Variants in WBP1L observed in about 807,000 individuals in gnomAD.
WBP1L encodes the protein WW domain binding protein 1 like.
WBP1L carries 17 observed loss-of-function variants against 33.7 expected under a neutral mutation model. The observed-to-expected ratio is 0.50, with a 90% CI of 0.34 to 0.76. WBP1L has a LOEUF of 0.76. Among genes scored for constraint, WBP1L ranks in the 30% least tolerant of loss-of-function variants. WBP1L has a pLI of 0.01. For missense variants in WBP1L, 389 were observed against 469.4 expected (o/e 0.83, Z 1.58); for synonymous variants, 173 against 190.8 (o/e 0.91, Z 0.77).
chr10:102,752,851 G>A (rs1842938175), intron 1 of WBP1L, among the ~76,000 whole-genome samples: 2 of 152,196 alleles, frequency 1.3e-5, no homozygotes, highest in African/African-American at 4.8e-5. Flanking sequence ...GGGTGGCTGT[G>A]TCTTGAGGAG....
intron 1 of WBP1L, among the ~76,000 whole-genome samples, chr10:102,793,690 G>C (rs1332814890): frequency 2.0e-5 from 3 of 152,084 alleles, no homozygotes; most frequent in African/African-American, 7.2e-5. Flanking sequence ...GATAGTAGGA[G>C]CCCAGAGAAT....
intron 1 of WBP1L, among the ~76,000 whole-genome samples, chr10:102,757,884 C>CG (rs1842996500): frequency 4.7e-5 from 3 of 63,714 alleles, no homozygotes; most frequent in South Asian, 7.9e-4. Flanking sequence ...CCTCCCCCCC[C>CG]CCCTTTTTTT....
chr10:102,810,111 G>A (rs927121265), intron 3 of WBP1L, 57 bp downstream of exon 3: 1 of 1,547,350 alleles, frequency 6.5e-7, no homozygotes, highest in African/African-American at 1.4e-5. Flanking sequence ...ACAGACCCAG[G>A]GCTCACACTG....
At chr10:102,809,553 G>T (rs1369609793) in intron 2 of WBP1L, among the ~76,000 whole-genome samples, 1 of 150,856 alleles carries the variant, frequency 6.6e-6, no homozygotes, top group Non-Finnish European at 1.5e-5. Context: ...TGTATTTTTA[G>T]TAGAGATGGG....
chr10:102,801,257 A>G (rs1041137054), intron 2 of WBP1L, among the ~76,000 whole-genome samples: 14 of 152,126 alleles, frequency 9.2e-5, no homozygotes, highest in African/African-American at 3.4e-4. Context: ...TATTATCTCC[A>G]TGCATTTTTA....
intron 1 of WBP1L, among the ~76,000 whole-genome samples, chr10:102,771,484 A>G (rs1214465501): frequency 2.0e-5 from 3 of 152,274 alleles, no homozygotes; most frequent in East Asian, 3.9e-4. Flanking sequence ...CCTGGGCAAC[A>G]TAGGAAGCCC....
intron 1 of WBP1L, among the ~76,000 whole-genome samples, chr10:102,767,647 A>G (rs1843129917): frequency 6.6e-6 from 1 of 152,188 alleles, no homozygotes; most frequent in African/African-American, 2.4e-5. Context: ...GGTTGAGGTC[A>G]ATGACTGGGA....
intron 1 of WBP1L, among the ~76,000 whole-genome samples, chr10:102,774,085 G>A (rs1212075013): frequency 1.3e-5 from 2 of 152,008 alleles, no homozygotes; most frequent in African/African-American, 4.8e-5. Flanking sequence ...TTAGATCAGT[G>A]CAGATTACAT....
chr10:102,808,180 A>G (rs1344715925), intron 2 of WBP1L, among the ~76,000 whole-genome samples: 1 of 152,204 alleles, frequency 6.6e-6, no homozygotes, highest in Non-Finnish European at 1.5e-5. Context: ...ACCCTGTCTC[A>G]GAAAAAAAGA....
chr10:102,810,491 CTCCTTCCTTCCTTCCT>C (rs796637182), intron 3 of WBP1L, among the ~76,000 whole-genome samples: 24,563 of 81,320 alleles, frequency 0.3, 4,191 homozygotes, highest in Non-Finnish European at 0.33. Context: ...CCTTCCTTCC[CTCCTTCCTTCCTTCCT>C]TCCTTCCTTC....
At chr10:102,753,099 C>T (rs973716970) in intron 1 of WBP1L, among the ~76,000 whole-genome samples, 1 of 152,194 alleles carries the variant, frequency 6.6e-6, no homozygotes, top group Non-Finnish European at 1.5e-5. Flanking sequence ...TGGTTCCTTG[C>T]TCCTACTACC....
chr10:102,801,865 C>T (rs183506763), intron 2 of WBP1L, among the ~76,000 whole-genome samples: 4 of 144,220 alleles, frequency 2.8e-5, no homozygotes, highest in African/African-American at 1.0e-4. Context: ...CTTTCCTTTC[C>T]CTCCCTCCCA....
At chr10:102,794,075 C>G (rs984339064) in intron 1 of WBP1L, among the ~76,000 whole-genome samples, 3 of 152,050 alleles carry the variant, frequency 2.0e-5, no homozygotes, top group African/African-American at 7.2e-5. Flanking sequence ...CTGGCCCCAG[C>G]GAACTCTTAA....
intron 3 of WBP1L, among the ~76,000 whole-genome samples, chr10:102,811,332 T>C (rs1368561832): frequency 6.6e-6 from 1 of 152,040 alleles, no homozygotes; most frequent in African/African-American, 2.4e-5. Flanking sequence ...GGGGTGGCAT[T>C]GGGACTTCTG....
At chr10:102,800,506 T>C (rs1590189647) in intron 2 of WBP1L, among the ~76,000 whole-genome samples, 1 of 152,192 alleles carries the variant, frequency 6.6e-6, no homozygotes, top group African/African-American at 2.4e-5. Flanking sequence ...AAGAGCTGCA[T>C]GAACGGCTAA....
intron 1 of WBP1L, among the ~76,000 whole-genome samples, chr10:102,756,608 A>G (rs1842980040): frequency 6.6e-6 from 1 of 152,164 alleles, no homozygotes; most frequent in Non-Finnish European, 1.5e-5. Context: ...GCCATTTCAC[A>G]CAGTGCTACG....
chr10:102,776,475 T>C lies in WBP1L; in HGVS notation c.91-21518T>C. The C allele has an allele frequency of 2.5e-6, 4 of 1,607,810 alleles. No individual in the cohort carries two copies. In the South Asian group the frequency reaches 3.3e-5, roughly 13 times the overall value. ...GGAAGAAGGGGTGGGAGCTTGTTTA[T>C]TGTACTACTGCTTTGGGTGGAGGGA... is the stretch of plus-strand genomic sequence containing the variant. On this transcript the variant is annotated intron_variant, in intron 1 of 3. Coordinates refer to ENST00000448841, the MANE Select transcript of WBP1L (RefSeq NM_001083913.2).
chr10:102,791,090 C>G (rs980869208), intron 1 of WBP1L, among the ~76,000 whole-genome samples: 1 of 152,144 alleles, frequency 6.6e-6, no homozygotes, highest in African/African-American at 2.4e-5. Context: ...CTGTTCTCCC[C>G]CTCTGAGGGC....
At chr10:102,760,582 G>A (rs958728565) in intron 1 of WBP1L, among the ~76,000 whole-genome samples, 2 of 151,804 alleles carry the variant, frequency 1.3e-5, no homozygotes, top group African/African-American at 4.8e-5. Flanking sequence ...CTCTATGTTG[G>A]TCAGGCTAGT....
Sources: allele counts gnomAD v4.1 joint callset (sites outside exome capture counted in the v4.1 genomes callset), GRCh38; gene constraint gnomAD v4.1.1; transcripts MANE v1.5; gene names NCBI Gene and HGNC (gene_info 2026-07-23, HGNC 2026-07-21).